The following IL23R variants were observed in gnomAD, a reference collection of about 807,000 sequenced individuals.
IL23R encodes interleukin-23 receptor.
Under a neutral mutation model 56.9 loss-of-function variants are expected in IL23R, and 34 were observed. That is an observed-to-expected ratio of 0.60 (90% CI 0.45 to 0.80). The LOEUF (loss-of-function observed/expected upper bound fraction) is 0.80. IL23R is among the 30% of genes least tolerant of loss of function. The pLI is 0.00. For synonymous variants in IL23R, 230 were observed against 249.2 expected (o/e 0.92, Z 0.73); for missense variants, 635 against 730.0 (o/e 0.87, Z 1.50).
intron 1 of IL23R, among the ~76,000 whole-genome samples, chr1:67,150,120 T>G (rs1244113877): frequency 6.6e-6 from 1 of 152,198 alleles, no homozygotes; most frequent in East Asian, 1.9e-4. Flanking sequence ...TTCATGCTTG[T>G]GGCTTTAAAT....
intron 7 of IL23R, among the ~76,000 whole-genome samples, chr1:67,230,657 AT>A (rs1467203579): frequency 1.3e-5 from 2 of 152,168 alleles, no homozygotes; most frequent in Non-Finnish European, 2.9e-5. Context: ...ACCCTTGAAT[AT>A]GTCTGTGTGT....
chr1:67,209,227 T>TGGACTTTC (rs1483837711), intron 6 of IL23R, among the ~76,000 whole-genome samples: 4 of 152,230 alleles, frequency 2.6e-5, no homozygotes, highest in Non-Finnish European at 5.9e-5. Context: ...GATGAGACTT[T>TGGACTTTC]GGACTGTGGA....
intron 5 of IL23R, among the ~76,000 whole-genome samples, chr1:67,205,490 G>A (rs1425442472): frequency 6.6e-6 from 1 of 152,136 alleles, no homozygotes. Flanking sequence ...CAAAGTCATA[G>A]GTTTTCATTG....
intron 9 of IL23R, among the ~76,000 whole-genome samples, chr1:67,255,552 C>T (rs1474357460): frequency 6.6e-6 from 1 of 151,982 alleles, no homozygotes; most frequent in Non-Finnish European, 1.5e-5. Context: ...GATCTTTCCA[C>T]CTCAGCCTCC....
intron 1 of IL23R, among the ~76,000 whole-genome samples, chr1:67,145,935 C>T (rs763076206): frequency 2.0e-5 from 3 of 152,160 alleles, no homozygotes; most frequent in Admixed American, 6.5e-5. Context: ...CAGGTGTCTA[C>T]AGCTTCCAAC....
intron 5 of IL23R, among the ~76,000 whole-genome samples, chr1:67,201,691 T>G (rs1648653858): frequency 6.6e-6 from 1 of 152,170 alleles, no homozygotes; most frequent in South Asian, 2.1e-4. Context: ...TTGTTTGTTT[T>G]TATTTTGAAA....
intron 8 of IL23R, among the ~76,000 whole-genome samples, chr1:67,237,684 G>T (rs984512384): frequency 6.6e-5 from 10 of 152,116 alleles, no homozygotes; most frequent in African/African-American, 2.4e-4. Flanking sequence ...CGTTTTAGGC[G>T]TAAAAAAATT....
At chr1:67,158,731 T>C (rs1426622975) in intron 1 of IL23R, among the ~76,000 whole-genome samples, 1 of 151,918 alleles carries the variant, frequency 6.6e-6, no homozygotes, top group African/African-American at 2.4e-5. Flanking sequence ...ACCTCAAAAG[T>C]AGATAAGTAT....
intron 6 of IL23R, among the ~76,000 whole-genome samples, chr1:67,208,052 A>G (rs1649206765): frequency 6.6e-6 from 1 of 152,228 alleles, no homozygotes; most frequent in Non-Finnish European, 1.5e-5. Context: ...GTTATGTTTT[A>G]GCAAAGAGAC....
upstream of IL23R, among the ~76,000 whole-genome samples, chr1:67,164,426 A>C (rs1344477856): frequency 6.6e-6 from 1 of 152,172 alleles, no homozygotes; most frequent in African/African-American, 2.4e-5. Context: ...TGAGGTCAGG[A>C]GTTCAAGACT....
chr1:67,212,452 G>A (rs1649540859), intron 6 of IL23R, among the ~76,000 whole-genome samples: 1 of 152,120 alleles, frequency 6.6e-6, no homozygotes, highest in Non-Finnish European at 1.5e-5. Flanking sequence ...GGAGGTGGGG[G>A]GTTTACTTCA....
intron 5 of IL23R, 135 bp from the exon 6 acceptor site, chr1:67,206,775 T>C (rs1280859537): frequency 3.1e-6 from 3 of 980,996 alleles, no homozygotes; most frequent in Non-Finnish European, 4.5e-6. Context: ...ATGTCCATAA[T>C]TGTTCATTAG....
At chr1:67,205,296 C>A (rs1404196559) in intron 5 of IL23R, among the ~76,000 whole-genome samples, 3 of 152,112 alleles carry the variant, frequency 2.0e-5, no homozygotes, top group Non-Finnish European at 4.4e-5. Context: ...TCTACCTTTG[C>A]ACATAATTTT....
At chr1:67,142,505 T>C (rs140687846) in intron 1 of IL23R, among the ~76,000 whole-genome samples, 3 of 152,216 alleles carry the variant, frequency 2.0e-5, no homozygotes, top group South Asian at 4.1e-4. Context: ...GCCTCTCCCA[T>C]TGGCCTGCTC....
chr1:67,222,098 CTTTCTTTTTTTTTT>C (rs1406978633), intron 7 of IL23R, among the ~76,000 whole-genome samples: 5 of 89,784 alleles, frequency 5.6e-5, no homozygotes, highest in African/African-American at 1.4e-4. Context: ...TTCTTTCTTT[CTTTCTTTTTTTTTT>C]TTTTTTTTTT....
intron 4 of IL23R, among the ~76,000 whole-genome samples, chr1:67,184,106 C>T (rs574263256): frequency 2.8e-4 from 43 of 151,738 alleles, no homozygotes; most frequent in Admixed American, 1.2e-3. Flanking sequence ...TGGTGGTGGG[C>T]GCCTGTAATC....
intron 9 of IL23R, among the ~76,000 whole-genome samples, chr1:67,249,623 CA>C (rs978622400): frequency 8.6e-5 from 13 of 152,024 alleles, no homozygotes; most frequent in African/African-American, 3.1e-4. Flanking sequence ...GAAGATTAAA[CA>C]TTGTTTTTAT....
chr1:67,188,682 G>A (rs763494533), intron 4 of IL23R, among the ~76,000 whole-genome samples: 29 of 152,274 alleles, frequency 1.9e-4, no homozygotes, highest in Non-Finnish European at 3.7e-4. Flanking sequence ...CAGTTCTGGA[G>A]GCTAGGAAGT....
At chr1:67,245,087 G>A (rs965839252) in intron 9 of IL23R, among the ~76,000 whole-genome samples, 10 of 152,134 alleles carry the variant, frequency 6.6e-5, no homozygotes, top group South Asian at 2.1e-4. Context: ...GTGAATGGGA[G>A]TTCACTCATG....
Sources: allele counts gnomAD v4.1 joint callset (sites outside exome capture counted in the v4.1 genomes callset), GRCh38; gene constraint gnomAD v4.1.1; transcripts MANE v1.5; gene names NCBI Gene and HGNC (gene_info 2026-07-23, HGNC 2026-07-21).